KDM2B: variants seen among roughly 807,000 people sequenced by gnomAD.
KDM2B encodes the protein lysine demethylase 2B.
Under a neutral mutation model 150.0 loss-of-function variants are expected in KDM2B, and 26 were observed. The ratio of observed to expected loss-of-function variants is 0.17; its 90% CI spans 0.13 to 0.24. The LOEUF (loss-of-function observed/expected upper bound fraction) is 0.24. Ranked by LOEUF, KDM2B falls within the 10% of genes least tolerant of loss-of-function variation. The pLI is 1.00. For missense variants in KDM2B, 1,265 were observed against 1,816.9 expected, an observed-to-expected ratio of 0.70 and a Z score of 5.52; for synonymous variants, 734 against 729.5, an observed-to-expected ratio of 1.01 and a Z score of -0.10.
At chr12:121,473,302 G>GTA (rs1880966443) in intron 12 of KDM2B, among the ~76,000 whole-genome samples, 1 of 150,868 alleles carries the variant, frequency 6.6e-6, no homozygotes. Flanking sequence ...TGAGGCAGTA[G>GTA]AATCGCTTGA....
rs944957289 is a variant in KDM2B, at chr12:121,537,085, C to G, written c.684-2495G>C. Among the ~76,000 whole-genome samples, 1 of 152,154 alleles carries G rather than the reference C, an allele frequency of 6.6e-6. No homozygotes were observed. The highest frequency in any genetic ancestry group is 2.4e-5 in the African/African-American group (1 of 41,436). On this transcript the variant is annotated intron_variant, in intron 6 of 22. Coordinates refer to ENST00000377071, the MANE Select transcript of KDM2B (RefSeq NM_032590.5). This position sits in a 1 kb window ranked among gnomAD's most constrained non-coding sequence, Gnocchi z 8.7. ...CCGCCTCTTCCAGACCTGCCTCTCC[C>G]GGAGAGGCCCCTCCTCCCGGTGTCC...
chr12:121,478,050 T>C (rs1555297112), intron 12 of KDM2B, among the ~76,000 whole-genome samples: 1 of 151,822 alleles, frequency 6.6e-6, no homozygotes, highest in Admixed American at 6.6e-5. Context: ...GCCTTAAATC[T>C]TTTTAAAAGT....
the KDM2B span, among the ~76,000 whole-genome samples, chr12:121,422,730 T>G: frequency 6.6e-6 from 1 of 152,156 alleles, no homozygotes; most frequent in African/African-American, 2.4e-5. Context: ...GGGGTTAACT[T>G]TTTTTTAACT....
At chr12:121,558,559 T>G (rs1220332010) in intron 4 of KDM2B, among the ~76,000 whole-genome samples, 4 of 151,458 alleles carry the variant, frequency 2.6e-5, no homozygotes, top group Non-Finnish European at 5.9e-5. Flanking sequence ...GTTCAAGCGA[T>G]TTTCCTGCCT....
chr12:121,448,688 G>A (rs1555290910), intron 13 of KDM2B, among the ~76,000 whole-genome samples: 1 of 152,148 alleles, frequency 6.6e-6, no homozygotes, highest in East Asian at 1.9e-4. Context: ...TGATTAAATG[G>A]CGCAAATGTT....
At chr12:121,454,931 T>C (rs1555292433) in intron 12 of KDM2B, among the ~76,000 whole-genome samples, 1 of 151,996 alleles carries the variant, frequency 6.6e-6, no homozygotes, top group African/African-American at 2.4e-5. Flanking sequence ...CCCTAGGGGC[T>C]TCCTAGAAAC....
intron 12 of KDM2B, among the ~76,000 whole-genome samples, chr12:121,481,225 C>T (rs1393940054): frequency 2.0e-5 from 3 of 152,096 alleles, no homozygotes; most frequent in African/African-American, 7.2e-5. Context: ...CGGGCCCAGC[C>T]GATGAGAGTA....
intron 4 of KDM2B, among the ~76,000 whole-genome samples, chr12:121,553,378 G>A (rs1254559766): frequency 6.6e-6 from 1 of 152,116 alleles, no homozygotes; most frequent in African/African-American, 2.4e-5. Context: ...TGGGCAGGTA[G>A]CAAATAGGAT....
At chr12:121,432,171 C>T (rs1210220560) in intron 22 of KDM2B, among the ~76,000 whole-genome samples, 4 of 152,022 alleles carry the variant, frequency 2.6e-5, no homozygotes, top group Non-Finnish European at 4.4e-5. Flanking sequence ...TGTGAGCCAC[C>T]GTGCCCGGCA....
Position 121,575,102 on chromosome 12 carries a change from C to T in KDM2B, c.351-509G>A, listed in dbSNP as rs1555316686. On this transcript the variant is annotated intron_variant, in intron 3 of 22. Coordinates refer to ENST00000377071, the MANE Select transcript of KDM2B (RefSeq NM_032590.5). The surrounding 1 kb of genome is among the most constrained non-coding windows in gnomAD (Gnocchi z 4.4). ...TGGGCTACAATTCACTATTAATTAA[C>T]AATGATGCCCAAGGTTTAAATCCTA... 6.6e-6 allele frequency among the ~76,000 whole-genome samples: 1 copy of T among 152,224 alleles called. No homozygotes were observed. The highest frequency in any genetic ancestry group is 2.4e-5 in the African/African-American group (1 of 41,448).
chr12:121,425,912 A>G (rs1049279569), downstream of KDM2B, among the ~76,000 whole-genome samples: 1 of 151,660 alleles, frequency 6.6e-6, no homozygotes, highest in African/African-American at 2.4e-5. Context: ...GACTACAGGC[A>G]CCCGCCACCA....
At chr12:121,534,163 C>A (rs966374107) in intron 7 of KDM2B, among the ~76,000 whole-genome samples, 1 of 152,130 alleles carries the variant, frequency 6.6e-6, no homozygotes, top group Non-Finnish European at 1.5e-5. Context: ...TCCTGGCTAA[C>A]ACGGTGAAAC....
At chr12:121,574,205 G>A (rs1470373928) in intron 4 of KDM2B, among the ~76,000 whole-genome samples, 1 of 152,132 alleles carries the variant, frequency 6.6e-6, no homozygotes, top group African/African-American at 2.4e-5. Context: ...AAGCCTTAAA[G>A]TCTATGAGGG....
the KDM2B span, among the ~76,000 whole-genome samples, chr12:121,413,165 A>G: frequency 6.6e-6 from 1 of 151,910 alleles, no homozygotes; most frequent in Non-Finnish European, 1.5e-5. Flanking sequence ...AGCTGGGATT[A>G]CAGGCATCTG....
chr12:121,493,851 T>A (rs11065593), intron 12 of KDM2B: 35,483 of 151,294 alleles, frequency 0.23, 6,995 homozygotes, highest in African/African-American at 0.54. Flanking sequence ...AGACATTTTT[T>A]TTTTATTTTA....
At position 121,444,099 on chromosome 12, in the gene KDM2B, G is replaced by C. The variant is rs200216662; in HGVS notation, c.2364C>G (p.Asp788Glu). ...CGTCAGACTTTCTGCGCAGAAGGCCGTCCGGCGGCACCTTCTTCGAGTGCT... is the reference window on the plus strand; with the variant it reads ...CGTCAGACTTTCTGCGCAGAAGGCCCTCCGGCGGCACCTTCTTCGAGTGCT... ...SDEHSKKVPP[D>E]GLLRRKSDDV... Residue 788 changes from aspartate to glutamate, a missense_variant, in exon 16 of 23, where the codon GAC becomes GAG. Transcript: ENST00000377071. 2 of 1,613,632 alleles carry C rather than the reference G, an allele frequency of 1.2e-6. No individual in the cohort carries two copies. Among genetic ancestry groups the C allele is most frequent in the African/African-American group, 2.7e-5 (2 of 74,942 alleles).
At chr12:121,539,178 C>A (rs1162557359) in intron 6 of KDM2B, among the ~76,000 whole-genome samples, 2 of 151,622 alleles carry the variant, frequency 1.3e-5, no homozygotes, top group African/African-American at 4.8e-5. Flanking sequence ...CTCGTTTCAC[C>A]CCTAAGACAA....
At chr12:121,465,493 C>T (rs1450545713) in intron 12 of KDM2B, among the ~76,000 whole-genome samples, 1 of 152,148 alleles carries the variant, frequency 6.6e-6, no homozygotes, top group African/African-American at 2.4e-5. Flanking sequence ...GTTGGCCTCC[C>T]AAAGTGCTGG....
At chr12:121,445,232 G>A (rs1555289877) in intron 14 of KDM2B, 43 bp downstream of exon 14, 3 of 1,598,066 alleles carry the variant, frequency 1.9e-6, no homozygotes, top group Non-Finnish European at 2.6e-6. Context: ...AACCCTACCT[G>A]CCCCAGAGCG....
Sources: gnomAD v4.1 joint callset for allele counts (sites outside exome capture counted in the v4.1 genomes callset) on GRCh38, gnomAD v4.1.1 for gene constraint, Gnocchi (gnomAD v3.1) non-coding constraint, MANE v1.5 for transcripts, NCBI Gene and HGNC (gene_info 2026-07-23, HGNC 2026-07-21) for gene names.